The following BMPR1B variants were observed in gnomAD, a reference collection of about 807,000 sequenced individuals.
BMPR1B encodes the protein bone morphogenetic protein receptor type 1B.
BMPR1B carries 12 observed loss-of-function variants against 59.1 expected under a neutral mutation model. The observed-to-expected ratio is 0.20, with a 90% CI of 0.13 to 0.33. The LOEUF is 0.33. BMPR1B is among the 10% of genes least tolerant of loss of function. The probability of loss-of-function intolerance (pLI) is 1.00; values close to 1 mark genes in which losing one functional copy is unlikely to be tolerated. For missense variants in BMPR1B, 550 were observed against 610.9 expected (o/e 0.90, Z 1.05); for synonymous variants, 237 against 207.3 (o/e 1.14, Z -1.23).
At chr4:94,979,155 G>C (rs1398144509) in intron 2 of BMPR1B, among the ~76,000 whole-genome samples, 2 of 152,086 alleles carry the variant, frequency 1.3e-5, no homozygotes, top group Non-Finnish European at 2.9e-5. Flanking sequence ...CATGACACGT[G>C]GGGATTATGA....
chr4:94,831,750 G>A (rs904923213), intron 1 of BMPR1B, among the ~76,000 whole-genome samples: 40 of 152,172 alleles, frequency 2.6e-4, no homozygotes, highest in African/African-American at 9.4e-4. Context: ...ATGAACAGCA[G>A]GGAAGCTAGC....
chr4:95,058,619 C>A (rs1289347598), intron 3 of BMPR1B, among the ~76,000 whole-genome samples: 1 of 152,094 alleles, frequency 6.6e-6, no homozygotes. Context: ...TATGCCAAGG[C>A]CAATAGCACG....
intron 2 of BMPR1B, among the ~76,000 whole-genome samples, chr4:94,887,770 G>A (rs1727240770): frequency 6.6e-6 from 1 of 151,932 alleles, no homozygotes; most frequent in South Asian, 2.1e-4. Context: ...GGCAATAAAG[G>A]AATAATACTT....
Position 95,156,302 on chromosome 4 carries a change from G to A in BMPR1B, c.*1629G>A, listed in dbSNP as rs550583235. 5 of 149,652 alleles carry A rather than the reference G, an allele frequency of 3.3e-5. No individual in the cohort carries two copies. Among genetic ancestry groups the A allele is most frequent in the African/African-American group, 1.2e-4 (5 of 40,644 alleles). 9.3% of individuals were successfully genotyped at this position (149,652 alleles called of 1,614,324 possible). A position where few individuals can be genotyped will look rare whatever the true frequency, so the allele number is the denominator to read the frequency against. On this transcript the variant is annotated 3_prime_UTR_variant, in exon 13 of 13. Transcript: ENST00000515059. The stretch of plus-strand genomic sequence containing the variant: ...TTAGTGGTTAGTAAAGAATTTGAAA[G>A]TACTTTCTCCTTGCTGTTTTTTTTT...
chr4:94,901,663 C>T (rs753717628), intron 2 of BMPR1B, among the ~76,000 whole-genome samples: 4 of 151,880 alleles, frequency 2.6e-5, no homozygotes, highest in African/African-American at 7.3e-5. Flanking sequence ...CCTTTAAACC[C>T]GTCAAATTGG....
At chr4:95,049,693 G>A (rs944629162) in intron 3 of BMPR1B, among the ~76,000 whole-genome samples, 3 of 151,208 alleles carry the variant, frequency 2.0e-5, no homozygotes, top group Admixed American at 1.3e-4. Context: ...AGTTCAATTC[G>A]TCTTTCAGCA....
chr4:94,920,963 CT>C (rs1728665276), intron 2 of BMPR1B, among the ~76,000 whole-genome samples: 1 of 152,084 alleles, frequency 6.6e-6, no homozygotes, highest in African/African-American at 2.4e-5. Context: ...AAGTTGTATG[CT>C]TATCTTTTTT....
rs552825356 is a variant in BMPR1B at position 95,097,313 on chromosome 4, C to G, written c.-17-7095C>G. Among the ~76,000 whole-genome samples the G allele has an allele frequency of 2.6e-5, 4 of 151,410 alleles. No homozygotes were observed. The East Asian group carries it at 7.7e-4, about 29-fold the overall frequency. ...ATGGCAAAATGGAATGGGCTCTTAA[C>G]GAGTGACTTATTTGATATAGTATTT... On this transcript the variant is annotated intron_variant, in intron 3 of 12. Coordinates refer to ENST00000515059, the MANE Select transcript of BMPR1B (RefSeq NM_001203.3).
At chr4:94,949,794 G>A (rs1395207720) in intron 2 of BMPR1B, among the ~76,000 whole-genome samples, 1 of 152,074 alleles carries the variant, frequency 6.6e-6, no homozygotes, top group Non-Finnish European at 1.5e-5. Context: ...ATAATCCTTT[G>A]GGTATATACT....
chr4:94,851,336 C>G (rs1725560254), intron 1 of BMPR1B, among the ~76,000 whole-genome samples: 2 of 152,084 alleles, frequency 1.3e-5, no homozygotes, highest in Admixed American at 1.3e-4. Context: ...TTATAACTTG[C>G]TGGACTTTGG....
At chr4:94,786,840 A>G (rs998200999) in intron 1 of BMPR1B, among the ~76,000 whole-genome samples, 4 of 151,942 alleles carry the variant, frequency 2.6e-5, no homozygotes, top group Admixed American at 6.6e-5. Context: ...CATCGTGCCC[A>G]GCCCACTTAG....
chr4:95,103,258 T>C (rs1730955908), intron 3 of BMPR1B, among the ~76,000 whole-genome samples: 1 of 152,116 alleles, frequency 6.6e-6, no homozygotes, highest in Non-Finnish European at 1.5e-5. Context: ...CTTCTAATTC[T>C]CTGATGGAAC....
intron 2 of BMPR1B, among the ~76,000 whole-genome samples, chr4:94,912,046 C>T (rs1279702168): frequency 6.6e-6 from 1 of 152,078 alleles, no homozygotes; most frequent in African/African-American, 2.4e-5. Flanking sequence ...CAATGAAGAG[C>T]ACATCCTGTC....
Position 95,148,753 on chromosome 4 carries a change from C to A in BMPR1B, c.1082C>A (p.Thr361Lys), listed in dbSNP as rs1416896677. 6 of 1,613,742 alleles carry A rather than the reference C, an allele frequency of 3.7e-6. 1 individual carries two copies. The highest frequency in any genetic ancestry group is 3.3e-5 in the Admixed American group (2 of 59,962). ...LGLAVKFISD[T>K]NEVDIPPNTR... ...TTGCTTTACTTTTTCCTTAGTGATACAAATGAAGTTGACATACCACCTAAC... is the reference window on the plus strand; with the variant it reads ...TTGCTTTACTTTTTCCTTAGTGATAAAAATGAAGTTGACATACCACCTAAC... The change falls in exon 11 of 13, where the codon ACA (threonine) becomes AAA (lysine). Residue 361 changes from threonine to lysine, a missense_variant. By Grantham distance (78) the Thr-to-Lys change is moderately conservative. Coordinates refer to ENST00000515059, the MANE Select transcript of BMPR1B (RefSeq NM_001203.3).
In BMPR1B at chr4:95,156,722, G is replaced by T. The variant is rs190367204; in HGVS notation, c.*2049G>T. ...AAACAAGTAGAACTGTAATCAGAAC[G>T]CTGCTTCAATTGATATTAAAAATAA... is the stretch of plus-strand genomic sequence containing the variant. On this transcript the variant is annotated 3_prime_UTR_variant, in exon 13 of 13. Transcript: ENST00000515059. 2.6e-5 allele frequency: 4 copies of T among 152,072 alleles called. No individual in the cohort carries two copies. Among genetic ancestry groups the T allele is most frequent in the Admixed American group, 2.6e-4 (4 of 15,276 alleles). The allele number at this position is 152,072 out of a possible 1,614,324, so 9.4% of individuals were successfully genotyped here.
At chr4:94,980,685 G>A (rs893117456) in intron 2 of BMPR1B, among the ~76,000 whole-genome samples, 2 of 152,148 alleles carry the variant, frequency 1.3e-5, no homozygotes, top group African/African-American at 4.8e-5. Flanking sequence ...CTGAGCTGCT[G>A]AGATAGGTTC....
At chr4:94,964,539 G>A (rs1730483494) in intron 2 of BMPR1B, among the ~76,000 whole-genome samples, 1 of 152,092 alleles carries the variant, frequency 6.6e-6, no homozygotes, top group African/African-American at 2.4e-5. Flanking sequence ...TCACTGATGA[G>A]GACTTGAAGA....
intron 2 of BMPR1B, among the ~76,000 whole-genome samples, chr4:94,959,537 TCTTA>T (rs1730276539): frequency 1.3e-5 from 2 of 152,188 alleles, no homozygotes; most frequent in African/African-American, 4.8e-5. Context: ...TTAAAATATT[TCTTA>T]CTTCTCACAT....
chr4:94,848,222 C>T (rs202211314), intron 1 of BMPR1B, among the ~76,000 whole-genome samples: 1 of 151,776 alleles, frequency 6.6e-6, no homozygotes, highest in East Asian at 1.9e-4. Flanking sequence ...CAGTTAAGCT[C>T]TCAATCTATG....
Sources: gnomAD v4.1 joint callset for allele counts (sites outside exome capture counted in the v4.1 genomes callset) on GRCh38, gnomAD v4.1.1 for gene constraint, MANE v1.5 for transcripts, NCBI Gene and HGNC (gene_info 2026-07-23, HGNC 2026-07-21) for gene names.